The following PAWR variants were observed in gnomAD, a reference collection of about 807,000 sequenced individuals.
PAWR encodes the protein pro-apoptotic WT1 regulator, also known as PRKC apoptosis WT1 regulator protein.
In PAWR, 23 loss-of-function variants were observed where a neutral mutation model predicts 32.0. That is an observed-to-expected ratio of 0.72 (90% CI 0.52 to 1.02). The LOEUF (loss-of-function observed/expected upper bound fraction) is 1.02, where lower values mean the gene tolerates loss of function less well. Ranked by LOEUF, PAWR falls within the 50% of genes least tolerant of loss-of-function variation. The pLI is 0.00. For missense variants in PAWR, 457 were observed against 437.7 expected (o/e 1.04, Z -0.39); for synonymous variants, 226 against 187.1 (o/e 1.21, Z -1.70).
intron 2 of PAWR, among the ~76,000 whole-genome samples, chr12:79,678,069 C>T (rs139573085): frequency 1.8e-3 from 275 of 152,174 alleles, no homozygotes; most frequent in Middle Eastern, 6.8e-3. Flanking sequence ...TGTTTAGATC[C>T]TATCCTCTAG....
At chr12:79,670,244 A>C (rs1458611629) in intron 2 of PAWR, among the ~76,000 whole-genome samples, 3 of 151,830 alleles carry the variant, frequency 2.0e-5, no homozygotes, top group Non-Finnish European at 2.9e-5. Context: ...GTACATAAGC[A>C]AAGTCCAAGA....
intron 2 of PAWR, among the ~76,000 whole-genome samples, chr12:79,673,311 T>C (rs1878003772): frequency 6.6e-6 from 1 of 152,130 alleles, no homozygotes; most frequent in South Asian, 2.1e-4. Flanking sequence ...CCTCGTGATC[T>C]GCCCGCCTCA....
At chr12:79,672,084 A>G (rs1362703168) in intron 2 of PAWR, among the ~76,000 whole-genome samples, 1 of 152,050 alleles carries the variant, frequency 6.6e-6, no homozygotes, top group Non-Finnish European at 1.5e-5. Context: ...CCTCTAAAAC[A>G]TATTCCATAC....
At chr12:79,608,269 A>G (rs1377842124) in intron 4 of PAWR, among the ~76,000 whole-genome samples, 1 of 152,222 alleles carries the variant, frequency 6.6e-6, no homozygotes, top group Non-Finnish European at 1.5e-5. Flanking sequence ...AACAGGGAAC[A>G]GTTTCATAGA....
At chr12:79,640,106 T>C (rs1347835697) in intron 2 of PAWR, among the ~76,000 whole-genome samples, 1 of 152,256 alleles carries the variant, frequency 6.6e-6, no homozygotes, top group East Asian at 1.9e-4. Flanking sequence ...GGTTTCACCA[T>C]GTTAGCCAGG....
chr12:79,681,625 TATAAG>T (rs1878452049), intron 2 of PAWR, among the ~76,000 whole-genome samples: 1 of 152,198 alleles, frequency 6.6e-6, no homozygotes, highest in African/African-American at 2.4e-5. Flanking sequence ...TATTAATATG[TATAAG>T]ATAACAGGTT....
chr12:79,667,652 G>C (rs1343642065), intron 2 of PAWR, among the ~76,000 whole-genome samples: 1 of 152,118 alleles, frequency 6.6e-6, no homozygotes, highest in Non-Finnish European at 1.5e-5. Context: ...TTGGACATTT[G>C]ATATTAATGA....
intron 2 of PAWR, among the ~76,000 whole-genome samples, chr12:79,632,342 T>TATAC (rs1875723153): frequency 6.6e-5 from 4 of 60,708 alleles, no homozygotes; most frequent in African/African-American, 5.9e-4. Context: ...TATATATATA[T>TATAC]ATATATATAT....
intron 3 of PAWR, among the ~76,000 whole-genome samples, chr12:79,618,471 C>T (rs181609680): frequency 1.9e-4 from 29 of 152,268 alleles, no homozygotes; most frequent in African/African-American, 7.0e-4. Flanking sequence ...ATACTCTTAG[C>T]TATTTTGAAA....
intron 2 of PAWR, among the ~76,000 whole-genome samples, chr12:79,676,673 C>A (rs1315875048): frequency 6.6e-6 from 1 of 152,114 alleles, no homozygotes; most frequent in African/African-American, 2.4e-5. Flanking sequence ...TACATCAAAC[C>A]AAAAACCTTC....
intron 2 of PAWR, among the ~76,000 whole-genome samples, chr12:79,652,686 C>A (rs1412866517): frequency 6.6e-6 from 1 of 152,152 alleles, no homozygotes; most frequent in East Asian, 1.9e-4. Flanking sequence ...TCATCAATCA[C>A]CATGTGAAAA....
In PAWR at chr12:79,612,426, T is replaced by G. The variant is rs184282237; in HGVS notation, c.683+1149A>C. 2.0e-5 allele frequency among the ~76,000 whole-genome samples: 3 copies of G among 152,276 alleles called. No individual in the cohort carries two copies. The East Asian group carries it at 5.8e-4, about 29-fold the overall frequency. On this transcript the variant is annotated intron_variant, in intron 4 of 6. Coordinates refer to ENST00000328827, the MANE Select transcript of PAWR (RefSeq NM_002583.4). ...TATTTTAGATGAAACAGCTGAAATA[T>G]TTTAAACTCCAACATACAGATGAAA... is the stretch of plus-strand genomic sequence containing the variant.
intron 2 of PAWR, among the ~76,000 whole-genome samples, chr12:79,683,218 G>GA (rs1380776901): frequency 6.6e-6 from 1 of 152,126 alleles, no homozygotes; most frequent in Non-Finnish European, 1.5e-5. Flanking sequence ...AGAAAAAAAT[G>GA]AAAATGTTTA....
chr12:79,650,615 G>A (rs1592530888), intron 2 of PAWR, among the ~76,000 whole-genome samples: 1 of 149,152 alleles, frequency 6.7e-6, no homozygotes, highest in African/African-American at 2.5e-5. Flanking sequence ...CTCTGTTGTT[G>A]TAGACCAAAA....
chr12:79,652,942 T>C (rs1048384819), intron 2 of PAWR, among the ~76,000 whole-genome samples: 1 of 152,258 alleles, frequency 6.6e-6, no homozygotes, highest in African/African-American at 2.4e-5. Flanking sequence ...TTTATCTGCC[T>C]ACAACAACAA....
chr12:79,655,387 C>T (rs8176818), intron 2 of PAWR, among the ~76,000 whole-genome samples: 2,070 of 152,260 alleles, frequency 0.014, 58 homozygotes, highest in African/African-American at 0.048. Context: ...TTCTCAAATT[C>T]CAGACTAAAA....
chr12:79,671,186 C>CTACA (rs1877881947), intron 2 of PAWR, among the ~76,000 whole-genome samples: 1 of 148,910 alleles, frequency 6.7e-6, no homozygotes, highest in African/African-American at 2.5e-5. Context: ...TTAAATTCCA[C>CTACA]TACAGCCTAA....
chr12:79,585,036 T>C lies in PAWR; in HGVS notation c.*7571A>G, dbSNP rs1258238342. On this transcript the variant is annotated 3_prime_UTR_variant, in exon 7 of 7. Transcript: ENST00000328827. ...ATAGTCTCTTGGACTTGAGAATCCA[T>C]TTGAGTTTCAGAAAGAATACTAAAT... 8.7e-6 allele frequency: 3 copies of C among 346,106 alleles called. No homozygotes were observed. Among genetic ancestry groups the C allele is most frequent in the Non-Finnish European group, 1.7e-5 (3 of 178,702 alleles). 21.4% of individuals were successfully genotyped at this position (346,106 alleles called of 1,614,324 possible). A position where few individuals can be genotyped will look rare whatever the true frequency, so the allele number is the denominator to read the frequency against.
chr12:79,601,419 G>A (rs1316502603), intron 4 of PAWR, among the ~76,000 whole-genome samples: 1 of 151,816 alleles, frequency 6.6e-6, no homozygotes, highest in Non-Finnish European at 1.5e-5. Flanking sequence ...TGCCCAGGCC[G>A]GTCCTGAAGT....
Sources: gnomAD v4.1 joint callset for allele counts (sites outside exome capture counted in the v4.1 genomes callset) on GRCh38, gnomAD v4.1.1 for gene constraint, MANE v1.5 for transcripts, NCBI Gene and HGNC (gene_info 2026-07-23, HGNC 2026-07-21) for gene names.